The following RIMS2 variants were observed in gnomAD, a reference collection of about 807,000 sequenced individuals.
RIMS2 encodes the protein regulating synaptic membrane exocytosis protein 2.
A neutral mutation model predicts 174.4 loss-of-function variants in RIMS2; 59 were observed. The observed-to-expected ratio is 0.34, with a 90% CI of 0.27 to 0.42. The LOEUF is 0.42. Among genes scored for constraint, RIMS2 ranks in the 10% least tolerant of loss-of-function variants. The probability of loss-of-function intolerance (pLI) is 1.00; values close to 1 mark genes in which losing one functional copy is unlikely to be tolerated. For synonymous variants in RIMS2, 606 were observed against 572.5 expected (o/e 1.06, Z -0.84); for missense variants, 1,620 against 1,666.3 (o/e 0.97, Z 0.48).
chr8:103,802,700 G>A (rs968882427), intron 3 of RIMS2, among the ~76,000 whole-genome samples: 4 of 152,136 alleles, frequency 2.6e-5, no homozygotes, highest in Admixed American at 2.6e-4. Flanking sequence ...GCTAAGACAG[G>A]CCTGGGATGA....
intron 19 of RIMS2, among the ~76,000 whole-genome samples, chr8:104,218,947 G>T (rs150815234): frequency 6.6e-6 from 1 of 152,320 alleles, no homozygotes; most frequent in African/African-American, 2.4e-5. Flanking sequence ...GTCTAGACAT[G>T]ATAGAGCTAC....
rs1318400484 is a variant in RIMS2 at position 103,697,061 on chromosome 8, TTTTTC to T, written c.177-22_177-18del. ...TTAGAGATCATCAGGAAACCAACTTTTTTTCTTATCTATTTTCTCTGCAGAAAACT... is the reference window on the plus strand; with the variant it reads ...TTAGAGATCATCAGGAAACCAACTTTTTATCTATTTTCTCTGCAGAAAACT... On this transcript the variant is annotated intron_variant, in intron 1 of 23. Transcript: ENST00000504942. 6.4e-7 allele frequency: 1 copy of T among 1,571,064 alleles called. No individual in the cohort carries two copies. The highest frequency in any genetic ancestry group is 1.7e-5 in the Admixed American group (1 of 59,516).
chr8:103,893,591 T>C (rs1477640976), intron 4 of RIMS2, among the ~76,000 whole-genome samples: 1 of 152,108 alleles, frequency 6.6e-6, no homozygotes, highest in African/African-American at 2.4e-5. Flanking sequence ...GTATATCTCT[T>C]GTTTTTGAAC....
intron 1 of RIMS2, among the ~76,000 whole-genome samples, chr8:103,683,627 A>G (rs138798467): frequency 2.6e-5 from 4 of 152,268 alleles, no homozygotes; most frequent in African/African-American, 4.8e-5. Flanking sequence ...CTTTCTCCCA[A>G]TGGGGTTTAG....
intron 19 of RIMS2, among the ~76,000 whole-genome samples, chr8:104,172,740 A>G (rs966014026): frequency 1.3e-5 from 2 of 152,240 alleles, no homozygotes; most frequent in African/African-American, 4.8e-5. Context: ...TGGAGCATAA[A>G]TGGAAGAGAA....
At chr8:104,228,576 A>G (rs1250343686) in intron 19 of RIMS2, among the ~76,000 whole-genome samples, 1 of 152,204 alleles carries the variant, frequency 6.6e-6, no homozygotes, top group East Asian at 1.9e-4. Context: ...ATTAATAATT[A>G]ACAGTATATA....
chr8:103,738,585 G>A (rs2097717560), intron 2 of RIMS2, among the ~76,000 whole-genome samples: 1 of 152,120 alleles, frequency 6.6e-6, no homozygotes, highest in African/African-American at 2.4e-5. Flanking sequence ...TACCATCAGG[G>A]TGAACAGGCA....
intron 1 of RIMS2, among the ~76,000 whole-genome samples, chr8:103,602,367 A>T (rs977517088): frequency 1.3e-5 from 2 of 152,078 alleles, no homozygotes; most frequent in African/African-American, 4.8e-5. Context: ...ACTGCATGTC[A>T]TGGGGGTTTG....
intron 1 of RIMS2, among the ~76,000 whole-genome samples, chr8:103,640,016 G>A (rs561239666): frequency 4.3e-4 from 65 of 151,708 alleles, no homozygotes; most frequent in South Asian, 2.7e-3. Flanking sequence ...TATTTATTTC[G>A]TCAGAGTTTT....
At chr8:103,595,952 A>G (rs925985913) in intron 1 of RIMS2, among the ~76,000 whole-genome samples, 3 of 151,800 alleles carry the variant, frequency 2.0e-5, no homozygotes, top group Non-Finnish European at 4.4e-5. Flanking sequence ...TACTTTCAAT[A>G]TTTCTCTCTC....
At chr8:104,023,518 T>G (rs763074513) in intron 19 of RIMS2, among the ~76,000 whole-genome samples, 1 of 152,126 alleles carries the variant, frequency 6.6e-6, no homozygotes, top group Non-Finnish European at 1.5e-5. Flanking sequence ...GATTCAATAA[T>G]GACATCCAGG....
At chr8:103,583,046 G>A (rs1002700212) in intron 1 of RIMS2, among the ~76,000 whole-genome samples, 2 of 152,240 alleles carry the variant, frequency 1.3e-5, no homozygotes, top group Non-Finnish European at 2.9e-5. Flanking sequence ...GGCCACAGGG[G>A]TGATTGTGTC....
At chr8:104,088,332 C>G (rs1400807876) in intron 19 of RIMS2, among the ~76,000 whole-genome samples, 2 of 151,898 alleles carry the variant, frequency 1.3e-5, no homozygotes, top group Non-Finnish European at 2.9e-5. Flanking sequence ...ACTGCAGTGC[C>G]AGAATTCCCT....
At chr8:103,606,947 CTT>C (rs1429448327) in intron 1 of RIMS2, among the ~76,000 whole-genome samples, 1 of 151,994 alleles carries the variant, frequency 6.6e-6, no homozygotes, top group African/African-American at 2.4e-5. Context: ...AGTCTTGACT[CTT>C]TATCCAATTT....
chr8:103,756,382 T>C (rs1387170919), intron 2 of RIMS2, among the ~76,000 whole-genome samples: 1 of 131,104 alleles, frequency 7.6e-6, no homozygotes, highest in Non-Finnish European at 1.7e-5. Context: ...GTTGTTGTTG[T>C]TGTTTTTGTT....
In RIMS2 at chr8:104,198,950, C is replaced by G. The variant is rs79455169; in HGVS notation, c.3335-45966C>G. ...CATAAGGAAATGACCCAAAGAAGCA[C>G]TTAAAGTCAGTTACTTATATAATGA... is the stretch of plus-strand genomic sequence containing the variant. On this transcript the variant is annotated intron_variant, in intron 19 of 23. Coordinates refer to ENST00000504942, the Ensembl canonical transcript of RIMS2. Among the ~76,000 whole-genome samples the G allele has an allele frequency of 5.2e-3, 799 of 152,266 alleles. 4 individuals carry two copies. The highest frequency in any genetic ancestry group is 0.018 in the African/African-American group (738 of 41,556).
chr8:103,918,587 A>T (rs1254537840), intron 9 of RIMS2, 100 bp downstream of exon 12: 4 of 857,828 alleles, frequency 4.7e-6, no homozygotes, highest in Non-Finnish European at 7.9e-6. Flanking sequence ...GAAATATGAT[A>T]ACCTTGTTAT....
chr8:103,755,687 C>G (rs1162056107), intron 2 of RIMS2, among the ~76,000 whole-genome samples: 1 of 152,110 alleles, frequency 6.6e-6, no homozygotes, highest in African/African-American at 2.4e-5. Context: ...TCTTCAATCT[C>G]TGATATCCTT....
At chr8:104,042,939 A>G (rs1463187244) in intron 19 of RIMS2, among the ~76,000 whole-genome samples, 1 of 151,608 alleles carries the variant, frequency 6.6e-6, no homozygotes, top group Non-Finnish European at 1.5e-5. Context: ...ACTTATTTAC[A>G]TTTAAGGAAT....
Sources: gnomAD v4.1 joint callset for allele counts (sites outside exome capture counted in the v4.1 genomes callset) on GRCh38, gnomAD v4.1.1 for gene constraint, MANE v1.5 for transcripts, NCBI Gene and HGNC (gene_info 2026-07-23, HGNC 2026-07-21) for gene names.